The following METAP1 variants were observed in gnomAD, a reference collection of about 807,000 sequenced individuals.
METAP1 encodes methionine aminopeptidase 1.
In METAP1, 28 loss-of-function variants were observed where a neutral mutation model predicts 53.8. That is an observed-to-expected ratio of 0.52 (90% CI 0.39 to 0.71). The LOEUF is 0.71. METAP1 is among the 30% of genes least tolerant of loss of function. The probability of loss-of-function intolerance (pLI) is 0.00; values close to 1 mark genes in which losing one functional copy is unlikely to be tolerated. For synonymous variants in METAP1, 181 were observed against 165.7 expected (o/e 1.09, Z -0.71); for missense variants, 389 against 479.8 (o/e 0.81, Z 1.77).
At chr4:99,028,613 A>C (rs1452068541) in intron 1 of METAP1, among the ~76,000 whole-genome samples, 2 of 152,220 alleles carry the variant, frequency 1.3e-5, no homozygotes, top group African/African-American at 4.8e-5. Flanking sequence ...CATAAAATTG[A>C]AATATAACTG....
chr4:99,046,306 C>T (rs1004078282), intron 8 of METAP1, among the ~76,000 whole-genome samples: 1 of 151,792 alleles, frequency 6.6e-6, no homozygotes, highest in African/African-American at 2.4e-5. Flanking sequence ...CCCAGCTACT[C>T]GGGAGGCTGA....
intron 1 of METAP1, among the ~76,000 whole-genome samples, chr4:99,009,103 A>G (rs1457217201): frequency 1.3e-5 from 2 of 152,186 alleles, no homozygotes; most frequent in Admixed American, 6.5e-5. Flanking sequence ...TACTTTAGAC[A>G]TTTCATATAA....
intron 10 of METAP1, among the ~76,000 whole-genome samples, chr4:99,058,119 C>T (rs1286934179): frequency 3.9e-5 from 6 of 152,036 alleles, no homozygotes; most frequent in Non-Finnish European, 8.8e-5. Flanking sequence ...CAAGTCTGTG[C>T]GGACGTTCTT....
chr4:99,056,532 GTTTGTTTTTTGT>G (rs529020574), intron 9 of METAP1, among the ~76,000 whole-genome samples: 333 of 151,874 alleles, frequency 2.2e-3, no homozygotes, highest in South Asian at 4.4e-3. Flanking sequence ...CTCCTTAGTT[GTTTGTTTTTTGT>G]TTTGTTTTTT....
intron 1 of METAP1, among the ~76,000 whole-genome samples, chr4:99,017,659 A>G (rs1208473772): frequency 5.3e-5 from 8 of 152,274 alleles, no homozygotes; most frequent in Non-Finnish European, 5.9e-5. Flanking sequence ...CTAATAGGAT[A>G]GCCTCATACT....
chr4:99,042,177 G>A (rs1386396593), intron 6 of METAP1, among the ~76,000 whole-genome samples: 4 of 151,726 alleles, frequency 2.6e-5, no homozygotes, highest in African/African-American at 9.7e-5. Context: ...GTCTAATTCT[G>A]TATGCTCTGA....
intron 3 of METAP1, among the ~76,000 whole-genome samples, 168 bp downstream of exon 3, chr4:99,034,510 T>C (rs1383660392): frequency 6.6e-6 from 1 of 152,160 alleles, no homozygotes; most frequent in Non-Finnish European, 1.5e-5. Flanking sequence ...GCTGGTAGTT[T>C]GGCAATCATG....
rs1727541789 is a variant in METAP1, at chr4:99,061,431, T to G, written c.*114T>G. The G allele has an allele frequency of 4.9e-6, 5 of 1,014,800 alleles. No individual in the cohort carries two copies. In the Admixed American group the frequency reaches 1.4e-4, roughly 28 times the overall value. 62.9% of individuals were successfully genotyped at this position (1,014,800 alleles called of 1,614,324 possible). A position where few individuals can be genotyped will look rare whatever the true frequency, so the allele number is the denominator to read the frequency against. On this transcript the variant is annotated 3_prime_UTR_variant, in exon 11 of 11. Transcript: ENST00000296411. Reference sequence around the variant, plus strand: ...TCACTTGTTTTGTTTTGACTATAGATAAGAAAGGACTACAGCATTTGATGT... The same window carrying G: ...TCACTTGTTTTGTTTTGACTATAGAGAAGAAAGGACTACAGCATTTGATGT...
intron 1 of METAP1, among the ~76,000 whole-genome samples, chr4:99,013,377 A>G (rs1723578389): frequency 6.6e-6 from 1 of 152,188 alleles, no homozygotes; most frequent in African/African-American, 2.4e-5. Context: ...ACTGCTAAAC[A>G]GAAAAATATT....
chr4:99,019,739 T>C (rs1240605765), intron 1 of METAP1, among the ~76,000 whole-genome samples: 1 of 152,198 alleles, frequency 6.6e-6, no homozygotes, highest in African/African-American at 2.4e-5. Context: ...AGTTCTTCAA[T>C]TGACTGATTT....
intron 1 of METAP1, among the ~76,000 whole-genome samples, chr4:99,012,240 T>C (rs576988323): frequency 3.8e-4 from 58 of 151,062 alleles, no homozygotes; most frequent in Admixed American, 2.7e-3. Context: ...TTTCTAGTTC[T>C]TGAGGTAAAA....
At position 98,995,838 on chromosome 4, in the gene METAP1, G is replaced by T. The variant is rs1722589584; in HGVS notation, c.85G>T (p.Gly29Cys). Residue 29 changes from glycine (G) to cysteine (C), a missense_variant, in exon 1 of 11, where the codon GGC (glycine) becomes TGC (cysteine). Transcript: ENST00000296411. ...KLQCPTCIKL[G>C]IQGSYFCSQE... is the part of the protein sequence containing the mutation. ...CCAGTGTCCCACTTGCATCAAGCTGGGCATCCAGGGCTCGTACTTCTGCTC... is the reference window on the plus strand; with the variant it reads ...CCAGTGTCCCACTTGCATCAAGCTGTGCATCCAGGGCTCGTACTTCTGCTC... 1 of 1,542,988 alleles carries T rather than the reference G, an allele frequency of 6.5e-7. No homozygotes were observed. Among genetic ancestry groups the T allele is most frequent in the Non-Finnish European group, 8.7e-7 (1 of 1,142,966 alleles).
At chr4:99,042,113 T>G (rs1725917333) in intron 6 of METAP1, among the ~76,000 whole-genome samples, 1 of 151,942 alleles carries the variant, frequency 6.6e-6, no homozygotes, top group African/African-American at 2.4e-5. Flanking sequence ...TTAATTAAAT[T>G]GGTAAAAGTT....
At chr4:98,997,106 T>C (rs1227502872) in intron 1 of METAP1, among the ~76,000 whole-genome samples, 1 of 152,250 alleles carries the variant, frequency 6.6e-6, no homozygotes, top group Non-Finnish European at 1.5e-5. Flanking sequence ...TAGTACGATT[T>C]AACTCTGCCA....
intron 1 of METAP1, chr4:99,023,267 A>T: frequency 2.2e-6 from 1 of 449,282 alleles, no homozygotes. Flanking sequence ...ATAGTAAGTA[A>T]TGCTATAGTG....
At chr4:99,059,671 C>T (rs1378352689) in intron 10 of METAP1, among the ~76,000 whole-genome samples, 1 of 151,652 alleles carries the variant, frequency 6.6e-6, no homozygotes, top group African/African-American at 2.4e-5. Flanking sequence ...TTTCTCATTC[C>T]ACCTCTGCTT....
chr4:99,039,481 T>C lies in METAP1; in HGVS notation c.432+16T>C. On this transcript the variant is annotated intron_variant, in intron 5 of 10. Coordinates refer to ENST00000296411, the MANE Select transcript of METAP1 (RefSeq NM_015143.3). ...TGTATGTAGGGTAAGAGTGATTTTTTCTCCATGGGGTAGGAAATGTTTAAG... is the reference window on the plus strand; with the variant it reads ...TGTATGTAGGGTAAGAGTGATTTTTCCTCCATGGGGTAGGAAATGTTTAAG... 1 of 1,477,798 alleles carries C rather than the reference T, an allele frequency of 6.8e-7. No homozygotes were observed. The highest frequency in any genetic ancestry group is 9.4e-7 in the Non-Finnish European group (1 of 1,060,216). The allele number at this position is 1,477,798 out of a possible 1,614,324, so 91.5% of individuals were successfully genotyped here. A position where few individuals can be genotyped will look rare whatever the true frequency, so the allele number is the denominator to read the frequency against.
At chr4:99,000,322 G>T (rs1722858963) in intron 1 of METAP1, among the ~76,000 whole-genome samples, 1 of 152,198 alleles carries the variant, frequency 6.6e-6, no homozygotes, top group African/African-American at 2.4e-5. Context: ...GGCATAAAAG[G>T]TAGTAAGCAT....
intron 1 of METAP1, chr4:99,026,188 A>G: frequency 1.0e-6 from 1 of 972,324 alleles, no homozygotes; most frequent in Admixed American, 6.1e-5. Flanking sequence ...TGTCTCAGAT[A>G]TTTTGGGTTC....
Sources: allele counts gnomAD v4.1 joint callset (sites outside exome capture counted in the v4.1 genomes callset), GRCh38; gene constraint gnomAD v4.1.1; transcripts MANE v1.5; gene names NCBI Gene and HGNC (gene_info 2026-07-23, HGNC 2026-07-21).